The following CFAP20DC variants were observed in gnomAD, a reference collection of about 807,000 sequenced individuals.
CFAP20DC encodes protein CFAP20DC.
CFAP20DC carries 84 observed loss-of-function variants against 101.7 expected under a neutral mutation model. The observed-to-expected ratio is 0.83, with a 90% confidence interval of 0.69 to 0.99. The LOEUF is 0.99. Ranked by LOEUF, CFAP20DC falls within the 50% of genes least tolerant of loss-of-function variation. The probability of loss-of-function intolerance (pLI) is 0.00; values close to 1 mark genes in which losing one functional copy is unlikely to be tolerated. For missense variants in CFAP20DC, 1,007 were observed against 970.3 expected (o/e 1.04, Z -0.50); for synonymous variants, 359 against 351.2 (o/e 1.02, Z -0.25).
intron 4 of CFAP20DC, among the ~76,000 whole-genome samples, chr3:59,009,463 T>C (rs2108842456): frequency 6.7e-6 from 1 of 150,108 alleles, no homozygotes; most frequent in East Asian, 2.0e-4. Flanking sequence ...GAGGAATAAA[T>C]ATAAAGAAAA....
chr3:58,764,164 T>C (rs1434718964), intron 15 of CFAP20DC, among the ~76,000 whole-genome samples: 1 of 152,184 alleles, frequency 6.6e-6, no homozygotes, highest in African/African-American at 2.4e-5. Flanking sequence ...CAGGCCTCCG[T>C]GAGCTGCAGT....
At position 58,732,691 on chromosome 3, in the gene CFAP20DC, C is replaced by T. The variant is rs777313667; in HGVS notation, c.198-15063G>A. Among the ~76,000 whole-genome samples the T allele has an allele frequency of 5.9e-5, 9 of 152,162 alleles. No individual in the cohort carries two copies. Among genetic ancestry groups the T allele is most frequent in the African/African-American group, 1.2e-4 (5 of 41,438 alleles). ...TGGGTTTATAACACCCAACGTGGCA[C>T]GAAAGCCGTGGCAAAAACAGTTACT... On this transcript the variant is annotated intron_variant, in intron 3 of 3. Transcript: ENST00000486145. This position sits in a 1 kb window ranked among gnomAD's most constrained non-coding sequence, Gnocchi z 5.4.
chr3:58,856,890 T>C (rs1433568999), intron 12 of CFAP20DC, among the ~76,000 whole-genome samples: 2 of 152,206 alleles, frequency 1.3e-5, no homozygotes, highest in African/African-American at 4.8e-5. Context: ...GTAATTGTCA[T>C]ACACAATTGG....
In CFAP20DC at chr3:58,717,365, G is replaced by A. The variant is rs1328996301; in HGVS notation, c.*223C>T. The A allele has an allele frequency of 2.1e-5, 5 of 239,358 alleles. No individual in the cohort carries two copies. Among genetic ancestry groups the A allele is most frequent in the African/African-American group, 1.2e-4 (5 of 43,094 alleles). 14.8% of individuals were successfully genotyped at this position (239,358 alleles called of 1,614,324 possible). A position where few individuals can be genotyped will look rare whatever the true frequency, so the allele number is the denominator to read the frequency against. The stretch of plus-strand genomic sequence containing the variant: ...AAGCAGGGGAATGCTGAATCTCAGG[G>A]CTTTGTGAAAATGAAAATGTAATCT... On this transcript the variant is annotated 3_prime_UTR_variant, in exon 4 of 4. Coordinates refer to the CFAP20DC transcript ENST00000486145. The surrounding 1 kb of genome is among the most constrained non-coding windows in gnomAD (Gnocchi z 4.1).
At chr3:58,745,551 A>C (rs1027996173) in intron 16 of CFAP20DC, among the ~76,000 whole-genome samples, 3 of 152,206 alleles carry the variant, frequency 2.0e-5, no homozygotes, top group African/African-American at 7.2e-5. Flanking sequence ...CCTTGTTTAC[A>C]AAATGGGAAT....
At chr3:58,941,353 AAAAG>A (rs2088555136) in intron 4 of CFAP20DC, among the ~76,000 whole-genome samples, 1 of 150,856 alleles carries the variant, frequency 6.6e-6, no homozygotes, top group African/African-American at 2.4e-5. Flanking sequence ...AAAAAAAAAA[AAAAG>A]AAAATTTCAC....
At chr3:58,763,245 T>C (rs1325413438) in intron 15 of CFAP20DC, among the ~76,000 whole-genome samples, 3 of 152,182 alleles carry the variant, frequency 2.0e-5, no homozygotes. Context: ...TTCTTTTTAT[T>C]CTTTTTTCTC....
intron 6 of CFAP20DC, among the ~76,000 whole-genome samples, chr3:58,886,496 T>C (rs1163021441): frequency 6.6e-6 from 1 of 151,344 alleles, no homozygotes; most frequent in Non-Finnish European, 1.5e-5. Context: ...GAGGCTGAGG[T>C]GGGAGGATTT....
chr3:59,042,250 T>G (rs1420702351), intron 3 of CFAP20DC, among the ~76,000 whole-genome samples: 4 of 151,958 alleles, frequency 2.6e-5, no homozygotes, highest in Non-Finnish European at 4.4e-5. Context: ...TAAAAAGGGC[T>G]TAATGGGCTG....
intron 7 of CFAP20DC, among the ~76,000 whole-genome samples, chr3:58,870,920 A>AAAAAG (rs2080146791): frequency 1.3e-5 from 2 of 150,212 alleles, no homozygotes; most frequent in Non-Finnish European, 3.0e-5. Context: ...AAAAAAAAAA[A>AAAAAG]AAAAGAAAAA....
chr3:58,833,858 A>G (rs1007628252), intron 13 of CFAP20DC, among the ~76,000 whole-genome samples: 9 of 152,210 alleles, frequency 5.9e-5, no homozygotes, highest in African/African-American at 2.2e-4. Flanking sequence ...GTTTATCCAC[A>G]TAATGGAATA....
At chr3:58,809,219 A>G (rs2074388962) in intron 14 of CFAP20DC, among the ~76,000 whole-genome samples, 4 of 152,040 alleles carry the variant, frequency 2.6e-5, no homozygotes, top group Admixed American at 2.6e-4. Flanking sequence ...ACATCTACAG[A>G]ACTCTCCACC....
chr3:58,995,330 A>C (rs2093080402), intron 4 of CFAP20DC, among the ~76,000 whole-genome samples: 1 of 151,734 alleles, frequency 6.6e-6, no homozygotes, highest in Admixed American at 6.6e-5. Context: ...ATGTCTTTAC[A>C]TTTTCAGTTG....
chr3:58,913,300 G>C lies in CFAP20DC; in HGVS notation c.550+408C>G, dbSNP rs980083534. 6.6e-6 allele frequency among the ~76,000 whole-genome samples: 1 copy of C among 152,080 alleles called. No homozygotes were observed. Among genetic ancestry groups the C allele is most frequent in the Admixed American group, 6.6e-5 (1 of 15,260 alleles). On this transcript the variant is annotated intron_variant, in intron 6 of 16. Coordinates refer to ENST00000482387, the MANE Select transcript of CFAP20DC (RefSeq NM_001394063.1). This position sits in a 1 kb window ranked among gnomAD's most constrained non-coding sequence, Gnocchi z 4.4. ...ATGGGGTTGTCCTTAGATAAGTCTT[G>C]TGGGAGAGGCTGGATTCTTCTTGAC...
chr3:58,783,848 C>T (rs1231201805), intron 15 of CFAP20DC, among the ~76,000 whole-genome samples: 1 of 151,776 alleles, frequency 6.6e-6, no homozygotes, highest in Non-Finnish European at 1.5e-5. Flanking sequence ...AAGGGTATTC[C>T]TTATTTTTTC....
intron 15 of CFAP20DC, among the ~76,000 whole-genome samples, chr3:58,769,335 G>A (rs1341067371): frequency 6.6e-6 from 1 of 152,130 alleles, no homozygotes; most frequent in Non-Finnish European, 1.5e-5. Context: ...GATATAGCAG[G>A]GCTGAGAGAA....
intron 14 of CFAP20DC, among the ~76,000 whole-genome samples, chr3:58,809,054 G>C (rs2074371818): frequency 1.3e-5 from 2 of 152,004 alleles, no homozygotes. Context: ...GGAGCACCCA[G>C]ATTCATAAAG....
At chr3:58,806,972 C>A (rs1057098445) in intron 14 of CFAP20DC, among the ~76,000 whole-genome samples, 1 of 152,156 alleles carries the variant, frequency 6.6e-6, no homozygotes, top group Non-Finnish European at 1.5e-5. Flanking sequence ...ACTGCTAGCA[C>A]AGCAGTCTGA....
At chr3:58,953,947 G>A (rs1190712173) in intron 4 of CFAP20DC, 1 of 152,124 alleles carries the variant, frequency 6.6e-6, no homozygotes, top group East Asian at 1.9e-4. Flanking sequence ...TCACAGCTAA[G>A]GGTCAGCAAT....
Sources: allele counts gnomAD v4.1 joint callset (sites outside exome capture counted in the v4.1 genomes callset), GRCh38; gene constraint gnomAD v4.1.1; non-coding constraint Gnocchi (gnomAD v3.1); transcripts MANE v1.5; gene names NCBI Gene and HGNC (gene_info 2026-07-23, HGNC 2026-07-21).